The following APBA3 variants were observed in gnomAD, a reference collection of about 807,000 sequenced individuals.
APBA3 encodes the protein amyloid-beta A4 precursor protein-binding family A member 3.
A neutral mutation model predicts 55.9 loss-of-function variants in APBA3; 45 were observed. The observed-to-expected ratio is 0.80, with a 90% CI of 0.63 to 1.03. The LOEUF (loss-of-function observed/expected upper bound fraction) is 1.03, where lower values mean the gene tolerates loss of function less well. APBA3 is among the 50% of genes least tolerant of loss of function. APBA3 has a pLI of 0.00. For synonymous variants in APBA3, 370 were observed against 353.3 expected (o/e 1.05, Z -0.53); for missense variants, 865 against 820.3 (o/e 1.05, Z -0.67).
In APBA3 at chr19:3,752,665, C is replaced by T; in HGVS notation, c.1238G>A (p.Gly413Asp). Reference sequence around the variant, plus strand: ...GGCTGTGGGCAGCAGGGAGCCCCAGCCCGACTCCACCAGGGCCACGCCCAG... The same window carrying T: ...GGCTGTGGGCAGCAGGGAGCCCCAGTCCGACTCCACCAGGGCCACGCCCAG... ...EGLGVALVES[G>D]WGSLLPTAVI... The change falls in exon 8 of 11, where the codon GGC (glycine) becomes GAC (aspartate). Residue 413 changes from glycine to aspartate, a missense_variant. Transcript: ENST00000316757. The T allele has an allele frequency of 6.3e-7, 1 of 1,591,194 alleles. No individual in the cohort carries two copies. Among genetic ancestry groups the T allele is most frequent in the Non-Finnish European group, 8.5e-7 (1 of 1,174,510 alleles).
chr19:3,756,674 G>C (rs1208320344), intron 3 of APBA3: 1 of 152,056 alleles, frequency 6.6e-6, no homozygotes, highest in Non-Finnish European at 1.5e-5. Context: ...GGTGAGCTGA[G>C]ATCGTGCCAC....
chr19:3,756,577 G>A (rs895914394), intron 3 of APBA3: 1 of 152,148 alleles, frequency 6.6e-6, no homozygotes, highest in African/African-American at 2.4e-5. Context: ...TAATTTCTTA[G>A]CCAGGTATGG....
chr19:3,751,598 T>A, intron 8 of APBA3, 45 bp from the exon 9 acceptor site: 1 of 1,547,730 alleles, frequency 6.5e-7, no homozygotes. Flanking sequence ...CCGGACAGCC[T>A]GGCAGGTTGT....
rs868772901 is a variant in APBA3, at chr19:3,753,884, C to T, written c.892G>A (p.Ala298Thr). Residue 298 changes from alanine to threonine, a missense_variant, in exon 6 of 11, where the codon GCC (alanine) becomes ACC (threonine). Ala to Thr is a moderately conservative substitution (Grantham distance 58, BLOSUM62 0). Transcript: ENST00000316757. Reference protein sequence around the residue: ...DHALHTISYTADIGCVLVLMA... With the variant: ...DHALHTISYTTDIGCVLVLMA... ...AGCACCAGCACGCAGCCGATGTCGG[C>T]TGTGTAGGAGATGGTATGCAGGGCG... is the stretch of plus-strand genomic sequence containing the variant. 6.4e-7 allele frequency: 1 copy of T among 1,560,808 alleles called. No homozygotes were observed. The highest frequency in any genetic ancestry group is 1.2e-5 in the South Asian group (1 of 85,160).
chr19:3,753,654 A>C (rs1360520755), intron 6 of APBA3, 111 bp downstream of exon 6: 15 of 1,144,016 alleles, frequency 1.3e-5, no homozygotes, highest in Non-Finnish European at 1.8e-5. Flanking sequence ...CCAAAAAAAG[A>C]ATTTAAAAAT....
rs748626016 is a variant in APBA3 at position 3,759,899 on chromosome 19, C to A, written c.366G>T (p.Pro122=). 6.2e-7 allele frequency: 1 copy of A among 1,611,696 alleles called. No homozygotes were observed. The highest frequency in any genetic ancestry group is 1.1e-5 in the South Asian group (1 of 91,000). Residue 122 remains proline (P), a synonymous_variant, in exon 2 of 11, where the codon CCG becomes CCT. Coordinates refer to ENST00000316757, the MANE Select transcript of APBA3 (RefSeq NM_004886.4). ...LLGLLHCEEC[P]PSQTGPEEPL... ...GCTCTTCAGGACCAGTCTGGGAAGG[C>A]GGGCATTCCTCGCAGTGCAAGAGGC...
Position 3,752,499 on chromosome 19 carries a change from G to C in APBA3, c.1395+9C>G. ...GAGTGTGGGGGCCCTGCCACACCAG[G>C]AAACTCACGCGGACAGCGGCCTGGC... On this transcript the variant is annotated intron_variant, in intron 8 of 10. Transcript: ENST00000316757. 6.4e-7 allele frequency: 1 copy of C among 1,561,840 alleles called. No individual in the cohort carries two copies. The highest frequency in any genetic ancestry group is 8.6e-7 in the Non-Finnish European group (1 of 1,158,636).
At chr19:3,753,513 T>C (rs1213377513) in intron 6 of APBA3, 23 of 465,666 alleles carry the variant, frequency 4.9e-5, no homozygotes, top group African/African-American at 2.8e-4. Context: ...CCAGGCATGG[T>C]GATACCCCGG....
Position 3,752,988 on chromosome 19 carries a change from G to C in APBA3, c.1014C>G (p.Ala338=), listed in dbSNP as rs751613824. The change falls in exon 7 of 11, where the codon GCC becomes GCG. Residue 338 remains alanine (A), a splice_region_variant and synonymous_variant. Coordinates refer to ENST00000316757, the MANE Select transcript of APBA3 (RefSeq NM_004886.4). ...MLCHVFYAED[A]QLIAQAIGQA... The stretch of plus-strand genomic sequence containing the variant: ...GGCCAATGGCCTGGGCGATGAGCTG[G>C]GCCTGCGGGGAGGAGTGGCGCGTCC... 9 of 1,611,210 alleles carry C rather than the reference G, an allele frequency of 5.6e-6. No homozygotes were observed. The East Asian group carries it at 1.8e-4, about 32-fold the overall frequency.
chr19:3,752,399 CTT>C (rs1414552765), intron 8 of APBA3, 107 bp downstream of exon 8: 2 of 1,087,102 alleles, frequency 1.8e-6, no homozygotes, highest in African/African-American at 1.6e-5. Flanking sequence ...AAAAGTTCGA[CTT>C]TGTCCCTCCT....
chr19:3,761,003 G>A lies in APBA3; in HGVS notation c.-38+533C>T, dbSNP rs549131542. On this transcript the variant is annotated intron_variant, in intron 1 of 10. Transcript: ENST00000316757. ...GCTCTAGCTGGGTACTGTTCATACA[G>A]GGCACATAATTTAATACCCACTAAC... 3.2e-4 allele frequency among the ~76,000 whole-genome samples: 49 copies of A among 152,242 alleles called. 2 individuals are homozygous for A. The South Asian group carries it at 9.6e-3, about 30-fold the overall frequency.
chr19:3,752,011 AC>A (rs1475453826), intron 8 of APBA3: 1 of 194,494 alleles, frequency 5.1e-6, no homozygotes, highest in African/African-American at 2.4e-5. Context: ...GGAGCTCAAG[AC>A]CAGCCTGGCC....
rs199545894 is a variant in APBA3, at chr19:3,759,607, G to A, written c.577-7C>T. The stretch of plus-strand genomic sequence containing the variant: ...AAGCCAGGGTCTCGGGGCTCTGGAA[G>A]AAGATAGAGGAGGGGCAGGACTGAG... On this transcript the variant is annotated splice_region_variant and splice_polypyrimidine_tract_variant and intron_variant, in intron 2 of 10. Coordinates refer to ENST00000316757, the MANE Select transcript of APBA3 (RefSeq NM_004886.4). 6.2e-7 allele frequency: 1 copy of A among 1,600,182 alleles called. No individual in the cohort carries two copies. The highest frequency in any genetic ancestry group is 1.1e-5 in the South Asian group (1 of 89,878).
chr19:3,757,241 G>A (rs1477180174), intron 3 of APBA3, among the ~76,000 whole-genome samples: 2 of 151,954 alleles, frequency 1.3e-5, no homozygotes, highest in Non-Finnish European at 2.9e-5. Context: ...TGGGATTATA[G>A]ACCCATGCCA....
intron 3 of APBA3, among the ~76,000 whole-genome samples, chr19:3,758,410 C>A (rs1448010915): frequency 6.6e-6 from 1 of 151,774 alleles, no homozygotes; most frequent in African/African-American, 2.4e-5. Context: ...AGGCATGCAC[C>A]GCCACACCTG....
intron 3 of APBA3, among the ~76,000 whole-genome samples, chr19:3,758,600 C>T (rs62130656): frequency 0.016 from 2,462 of 152,238 alleles, 30 homozygotes; most frequent in Non-Finnish European, 0.026. Context: ...TATTCTTTGG[C>T]CAGGCGTGGT....
chr19:3,757,996 G>A (rs996064010), intron 3 of APBA3, among the ~76,000 whole-genome samples: 13 of 152,008 alleles, frequency 8.6e-5, no homozygotes, highest in Non-Finnish European at 1.9e-4. Context: ...GTGCAATGGC[G>A]TGATCTCAGC....
chr19:3,759,886 C>T lies in APBA3; in HGVS notation c.379G>A (p.Gly127Ser), dbSNP rs780328155. The T allele has an allele frequency of 1.9e-6, 3 of 1,611,910 alleles. No individual in the cohort carries two copies. The highest frequency in any genetic ancestry group is 8.5e-7 in the Non-Finnish European group (1 of 1,179,638). ...HCEECPPSQT[G>S]PEEPLEPAPR... ...GCAGGCTCTAGAGGCTCTTCAGGAC[C>T]AGTCTGGGAAGGCGGGCATTCCTCG... is the stretch of plus-strand genomic sequence containing the variant. Residue 127 changes from glycine (G) to serine (S), a missense_variant, in exon 2 of 11, where the codon GGT (glycine) becomes AGT (serine). By Grantham distance (56) the Gly-to-Ser change is moderately conservative. Coordinates refer to ENST00000316757, the MANE Select transcript of APBA3 (RefSeq NM_004886.4).
chr19:3,758,080 G>A lies in APBA3; in HGVS notation c.616+1481C>T, dbSNP rs149962474. 4.1e-3 allele frequency among the ~76,000 whole-genome samples: 610 copies of A among 150,236 alleles called. 4 individuals are homozygous for A. The highest frequency in any genetic ancestry group is 0.014 in the African/African-American group (569 of 40,788). On this transcript the variant is annotated intron_variant, in intron 3 of 10. Transcript: ENST00000316757. The stretch of plus-strand genomic sequence containing the variant: ...CTCCTGAGTAGCTGGGATTACAGGC[G>A]TGCACTACCATGCCCGGCTAATTTT...
Sources: gnomAD v4.1 joint callset for allele counts (sites outside exome capture counted in the v4.1 genomes callset) on GRCh38, gnomAD v4.1.1 for gene constraint, MANE v1.5 for transcripts, NCBI Gene and HGNC (gene_info 2026-07-23, HGNC 2026-07-21) for gene names.